KCTD8: variants seen among roughly 807,000 people sequenced by gnomAD.
The protein encoded by KCTD8 is BTB/POZ domain-containing protein KCTD8.
A neutral mutation model predicts 31.5 loss-of-function variants in KCTD8; 27 were observed. The observed-to-expected ratio is 0.86, with a 90% CI of 0.63 to 1.18. The LOEUF (loss-of-function observed/expected upper bound fraction) is 1.18, where lower values mean the gene tolerates loss of function less well. Among genes scored for constraint, KCTD8 ranks in the 50% most tolerant of loss-of-function variants. The pLI, the probability that KCTD8 is intolerant of heterozygous loss-of-function variation, is 0.00. For missense variants in KCTD8, 658 were observed against 647.7 expected (o/e 1.02, Z -0.17); for synonymous variants, 290 against 280.0 (o/e 1.04, Z -0.36).
At chr4:44,226,981 C>T (rs1217525126) in intron 1 of KCTD8, among the ~76,000 whole-genome samples, 1 of 150,790 alleles carries the variant, frequency 6.6e-6, no homozygotes. Flanking sequence ...TTCTTCCATT[C>T]TTTAGGTTGC....
intron 1 of KCTD8, among the ~76,000 whole-genome samples, chr4:44,325,082 A>G (rs1718408645): frequency 6.6e-6 from 1 of 151,952 alleles, no homozygotes; most frequent in Non-Finnish European, 1.5e-5. Context: ...GTGTTGCTTA[A>G]CTCCAAAGCT....
chr4:44,447,089 C>T (rs2109489052), intron 1 of KCTD8, among the ~76,000 whole-genome samples: 1 of 152,332 alleles, frequency 6.6e-6, no homozygotes, highest in South Asian at 2.1e-4. Context: ...GCAGGTGATC[C>T]AGGTGGTGCG....
chr4:44,325,966 T>C (rs1489121235), intron 1 of KCTD8, among the ~76,000 whole-genome samples: 1 of 151,998 alleles, frequency 6.6e-6, no homozygotes, highest in Non-Finnish European at 1.5e-5. Context: ...GGAGAAGTTC[T>C]TGAGACAGAC....
intron 1 of KCTD8, among the ~76,000 whole-genome samples, chr4:44,336,839 A>T (rs566069470): frequency 1.8e-4 from 28 of 152,238 alleles, no homozygotes; most frequent in African/African-American, 6.0e-4. Flanking sequence ...CTTTGTTTTT[A>T]AAAAAGAATA....
rs946004537 is a variant in KCTD8, at chr4:44,342,045, T to C, written c.961+105518A>G. 1.1e-4 allele frequency among the ~76,000 whole-genome samples: 17 copies of C among 152,180 alleles called. No individual in the cohort carries two copies. The South Asian group carries it at 1.2e-3, about 11-fold the overall frequency. Reference sequence around the variant, plus strand: ...ATAAATCTCCATCGGAGTTCTTGGGTGACCAAGTGCATTTTCAGTAAGCAG... The same window carrying C: ...ATAAATCTCCATCGGAGTTCTTGGGCGACCAAGTGCATTTTCAGTAAGCAG... On this transcript the variant is annotated intron_variant, in intron 1 of 1. Coordinates refer to ENST00000360029, the MANE Select transcript of KCTD8 (RefSeq NM_198353.3).
At chr4:44,194,893 T>C (rs1316872754) in intron 1 of KCTD8, among the ~76,000 whole-genome samples, 1 of 147,274 alleles carries the variant, frequency 6.8e-6, no homozygotes, top group East Asian at 2.0e-4. Context: ...TTCATTCTTG[T>C]TGCCCAGGCT....
chr4:44,436,998 G>C (rs1721664826), intron 1 of KCTD8, among the ~76,000 whole-genome samples: 1 of 151,140 alleles, frequency 6.6e-6, no homozygotes, highest in Non-Finnish European at 1.5e-5. Context: ...CATTACTCTA[G>C]ATTTTTGTTT....
At chr4:44,313,060 C>T (rs953457020) in intron 1 of KCTD8, among the ~76,000 whole-genome samples, 3 of 152,168 alleles carry the variant, frequency 2.0e-5, no homozygotes, top group Non-Finnish European at 4.4e-5. Context: ...AACACCAAAG[C>T]AGTAGGTAAC....
intron 1 of KCTD8, among the ~76,000 whole-genome samples, chr4:44,301,040 A>G (rs1717600769): frequency 6.6e-6 from 1 of 151,896 alleles, no homozygotes; most frequent in Admixed American, 6.6e-5. Flanking sequence ...TACAAAGGAC[A>G]TGAACTCATC....
intron 1 of KCTD8, among the ~76,000 whole-genome samples, chr4:44,211,989 A>C (rs1714496360): frequency 6.6e-6 from 1 of 152,140 alleles, no homozygotes; most frequent in Non-Finnish European, 1.5e-5. Context: ...GATACATTAA[A>C]AATTTATCAT....
rs188459759 is a variant in KCTD8, at chr4:44,414,734, A to T, written c.961+32829T>A. The stretch of plus-strand genomic sequence containing the variant: ...TAGTTTGGATGTTTATCCCCTCAAA[A>T]TCTCATATTGGAATGCACTCTCCAG... On this transcript the variant is annotated intron_variant, in intron 1 of 1. Transcript: ENST00000360029. Among the ~76,000 whole-genome samples, 982 of 152,308 alleles carry T rather than the reference A, an allele frequency of 6.4e-3. 8 individuals are homozygous for T. The highest frequency in any genetic ancestry group is 0.011 in the Non-Finnish European group (742 of 68,022).
intron 1 of KCTD8, among the ~76,000 whole-genome samples, chr4:44,186,698 C>G (rs546476824): frequency 6.6e-6 from 1 of 152,314 alleles, no homozygotes; most frequent in African/African-American, 2.4e-5. Flanking sequence ...GTGAGTCACC[C>G]CCGCATCACA....
At chr4:44,249,551 G>A (rs534617337) in intron 1 of KCTD8, among the ~76,000 whole-genome samples, 3 of 151,738 alleles carry the variant, frequency 2.0e-5, no homozygotes, top group Admixed American at 6.6e-5. Context: ...AGCAGTCATA[G>A]ATGACAAATA....
At chr4:44,287,758 C>A (rs1056232461) in intron 1 of KCTD8, among the ~76,000 whole-genome samples, 1 of 152,174 alleles carries the variant, frequency 6.6e-6, no homozygotes, top group Non-Finnish European at 1.5e-5. Flanking sequence ...ACTTTTCTTG[C>A]TGATCTAGCA....
chr4:44,439,610 T>C (rs13149469), intron 1 of KCTD8, among the ~76,000 whole-genome samples: 69,201 of 151,924 alleles, frequency 0.46, 17,218 homozygotes, highest in South Asian at 0.64. Context: ...ACCTGTTAAG[T>C]ATATTTTAAG....
At chr4:44,182,323 A>G (rs994096034) in intron 1 of KCTD8, among the ~76,000 whole-genome samples, 2 of 152,268 alleles carry the variant, frequency 1.3e-5, no homozygotes, top group African/African-American at 4.8e-5. Flanking sequence ...GCCATGATGA[A>G]GATGGCGGTT....
chr4:44,218,578 A>C (rs1714718842), intron 1 of KCTD8, among the ~76,000 whole-genome samples: 1 of 148,546 alleles, frequency 6.7e-6, no homozygotes, highest in Non-Finnish European at 1.5e-5. Flanking sequence ...ATATATCTAT[A>C]TATATAAATA....
At chr4:44,175,477 T>C (rs915432872) in intron 1 of KCTD8, among the ~76,000 whole-genome samples, 3 of 152,188 alleles carry the variant, frequency 2.0e-5, no homozygotes, top group African/African-American at 7.2e-5. Flanking sequence ...AACAATAAAA[T>C]TTGAGAAATT....
intron 1 of KCTD8, among the ~76,000 whole-genome samples, chr4:44,343,323 T>C (rs1218038640): frequency 2.0e-5 from 3 of 152,156 alleles, no homozygotes; most frequent in African/African-American, 7.2e-5. Flanking sequence ...GAGGGAAAGG[T>C]CAGTCAGTAC....
Sources: allele counts gnomAD v4.1 joint callset (sites outside exome capture counted in the v4.1 genomes callset), GRCh38; gene constraint gnomAD v4.1.1; transcripts MANE v1.5; gene names NCBI Gene and HGNC (gene_info 2026-07-23, HGNC 2026-07-21).